The following LINGO2 variants were observed in gnomAD, a reference collection of about 807,000 sequenced individuals.
LINGO2 encodes the protein leucine rich repeat and Ig domain containing 2, also known as leucine-rich repeat and immunoglobulin-like domain-containing nogo receptor-interacting protein 2.
In LINGO2, 14 loss-of-function variants were observed where a neutral mutation model predicts 30.6. That is an observed-to-expected ratio of 0.46 (90% CI 0.30 to 0.72). The LOEUF is 0.72. Ranked by LOEUF, LINGO2 falls within the 30% of genes least tolerant of loss-of-function variation. LINGO2 has a pLI of 0.07. For missense variants in LINGO2, 729 were observed against 751.7 expected (o/e 0.97, Z 0.35); for synonymous variants, 317 against 288.5 (o/e 1.10, Z -1.00).
chr9:29,092,529 A>T, the LINGO2 span, among the ~76,000 whole-genome samples: 8 of 152,030 alleles, frequency 5.3e-5, no homozygotes, highest in African/African-American at 1.2e-4. Flanking sequence ...AACTAACTTA[A>T]CTCATACAGT....
chr9:28,570,995 A>T (rs1823663800), intron 1 of LINGO2, among the ~76,000 whole-genome samples: 1 of 151,982 alleles, frequency 6.6e-6, no homozygotes, highest in Admixed American at 6.6e-5. Flanking sequence ...AAGAAAAATA[A>T]ATTTAAAATG....
chr9:28,878,997 G>A, the LINGO2 span, among the ~76,000 whole-genome samples: 20,732 of 151,994 alleles, frequency 0.14, 2,013 homozygotes, highest in African/African-American at 0.27. Context: ...GGGCAATTAG[G>A]CAGGAGAAGG....
intron 4 of LINGO2, among the ~76,000 whole-genome samples, chr9:28,091,431 A>G (rs973464538): frequency 2.0e-5 from 3 of 152,348 alleles, no homozygotes; most frequent in African/African-American, 7.2e-5. Flanking sequence ...GATAAACCTG[A>G]CAAAAACACA....
chr9:28,612,021 G>A (rs991388513), intron 1 of LINGO2, among the ~76,000 whole-genome samples: 4 of 151,366 alleles, frequency 2.6e-5, no homozygotes, highest in Non-Finnish European at 4.4e-5. Flanking sequence ...AGGGTTCCTC[G>A]GCCTCCCAAA....
chr9:29,029,356 C>A, the LINGO2 span, among the ~76,000 whole-genome samples: 1 of 152,198 alleles, frequency 6.6e-6, no homozygotes, highest in African/African-American at 2.4e-5. Flanking sequence ...TTAAATAATG[C>A]AGCATAATAA....
At chr9:28,590,341 A>C (rs946554619) in intron 1 of LINGO2, among the ~76,000 whole-genome samples, 28 of 152,148 alleles carry the variant, frequency 1.8e-4, no homozygotes, top group Non-Finnish European at 1.9e-4. Context: ...TGCACAGCAA[A>C]AGAAACTACC....
the LINGO2 span, among the ~76,000 whole-genome samples, chr9:28,857,896 A>T: frequency 3.3e-5 from 5 of 151,964 alleles, no homozygotes; most frequent in South Asian, 2.1e-4. Context: ...ATTTCTTTTA[A>T]TTTTTTTAAT....
At chr9:28,328,603 A>C (rs954748577) in intron 3 of LINGO2, among the ~76,000 whole-genome samples, 12 of 151,964 alleles carry the variant, frequency 7.9e-5, no homozygotes, top group African/African-American at 2.9e-4. Flanking sequence ...TGCTAACCTT[A>C]ATTTAATCTT....
the LINGO2 span, among the ~76,000 whole-genome samples, chr9:29,128,683 T>C: frequency 0.019 from 2,938 of 152,250 alleles, 25 homozygotes; most frequent in South Asian, 0.053. Context: ...CTTCATTGGG[T>C]TACCCACTGG....
At chr9:28,213,201 G>T (rs1820651695) in intron 4 of LINGO2, among the ~76,000 whole-genome samples, 1 of 151,394 alleles carries the variant, frequency 6.6e-6, no homozygotes, top group African/African-American at 2.4e-5. Context: ...GTAAACATTA[G>T]TCATCCTCAT....
At chr9:28,647,319 T>C (rs1473257937) in intron 1 of LINGO2, among the ~76,000 whole-genome samples, 1 of 152,132 alleles carries the variant, frequency 6.6e-6, no homozygotes, top group East Asian at 1.9e-4. Context: ...TAATTGTTTC[T>C]TTATGTTTAT....
the LINGO2 span, among the ~76,000 whole-genome samples, chr9:28,992,448 A>G: frequency 1.0e-4 from 2 of 19,340 alleles, no homozygotes; most frequent in African/African-American, 2.0e-4. Flanking sequence ...TCAACATTAG[A>G]CAGATCAATG....
chr9:28,877,793 T>G, the LINGO2 span, among the ~76,000 whole-genome samples: 1 of 152,162 alleles, frequency 6.6e-6, no homozygotes, highest in Non-Finnish European at 1.5e-5. Flanking sequence ...GTGAAGAAAG[T>G]CATTGGTAGC....
intron 1 of LINGO2, among the ~76,000 whole-genome samples, chr9:28,499,052 C>A (rs987085559): frequency 6.6e-6 from 1 of 152,000 alleles, no homozygotes; most frequent in East Asian, 1.9e-4. Flanking sequence ...GGTATTTTCA[C>A]AAGAAAGTAG....
At chr9:28,793,599 T>C in the LINGO2 span, among the ~76,000 whole-genome samples, 2 of 152,106 alleles carry the variant, frequency 1.3e-5, no homozygotes, top group African/African-American at 4.8e-5. Context: ...CACATAGGAG[T>C]GGAAAACCTT....
chr9:28,369,570 C>T (rs1202796021), intron 3 of LINGO2, among the ~76,000 whole-genome samples: 6 of 152,108 alleles, frequency 3.9e-5, no homozygotes, highest in Non-Finnish European at 7.3e-5. Flanking sequence ...TCTCCTCTTC[C>T]ATAGGAAAAC....
chr9:28,268,362 C>T (rs1822826897), intron 4 of LINGO2, among the ~76,000 whole-genome samples: 2 of 152,030 alleles, frequency 1.3e-5, no homozygotes, highest in Admixed American at 6.6e-5. Flanking sequence ...GCTTATAAGG[C>T]AGACACTCAG....
chr9:29,021,781 A>T, the LINGO2 span, among the ~76,000 whole-genome samples: 3 of 152,188 alleles, frequency 2.0e-5, no homozygotes, highest in African/African-American at 7.2e-5. Flanking sequence ...ATATACATAT[A>T]TCAAGACAAT....
intron 1 of LINGO2, among the ~76,000 whole-genome samples, chr9:28,530,303 T>A (rs973834549): frequency 2.0e-5 from 3 of 152,174 alleles, no homozygotes; most frequent in Non-Finnish European, 4.4e-5. Context: ...CCATGTGCCA[T>A]CTGCCATTCC....
Sources: gnomAD v4.1 joint callset for allele counts (sites outside exome capture counted in the v4.1 genomes callset) on GRCh38, gnomAD v4.1.1 for gene constraint, MANE v1.5 for transcripts, NCBI Gene and HGNC (gene_info 2026-07-23, HGNC 2026-07-21) for gene names.